The following IL1R1 variants were observed in gnomAD, a reference collection of about 807,000 sequenced individuals.
IL1R1 encodes the protein interleukin 1 receptor type 1, also known as interleukin-1 receptor type 1.
A neutral mutation model predicts 50.2 loss-of-function variants in IL1R1; 22 were observed. The ratio of observed to expected loss-of-function variants is 0.44; its 90% CI spans 0.31 to 0.63. The LOEUF (loss-of-function observed/expected upper bound fraction) is 0.63. Ranked by LOEUF, IL1R1 falls within the 20% of genes least tolerant of loss-of-function variation. The pLI, the probability that IL1R1 is intolerant of heterozygous loss-of-function variation, is 0.07. For synonymous variants in IL1R1, 251 were observed against 236.7 expected (o/e 1.06, Z -0.55); for missense variants, 509 against 676.2 (o/e 0.75, Z 2.74).
intron 1 of IL1R1, among the ~76,000 whole-genome samples, chr2:102,097,172 G>A (rs948306368): frequency 3.3e-5 from 5 of 152,118 alleles, no homozygotes; most frequent in African/African-American, 1.2e-4. Context: ...GGGGATCGGG[G>A]CTGCTTCCTT....
chr2:102,085,164 TG>T (rs1170069568), intron 1 of IL1R1, among the ~76,000 whole-genome samples: 2 of 152,204 alleles, frequency 1.3e-5, no homozygotes, highest in Non-Finnish European at 2.9e-5. Flanking sequence ...TCCAAATACC[TG>T]CTTCAACTCT....
rs116343300 is a variant in IL1R1 at position 102,153,309 on chromosome 2, G to A, written c.-83-632G>A. On this transcript the variant is annotated intron_variant, in intron 1 of 11. Transcript: ENST00000410023. Reference sequence around the variant, plus strand: ...GTGGTTTGATTCATTTCTGCACCCCGGTGTCTAGCAAAGTGCCACGTGCAT... The same window carrying A: ...GTGGTTTGATTCATTTCTGCACCCCAGTGTCTAGCAAAGTGCCACGTGCAT... Among the ~76,000 whole-genome samples the A allele has an allele frequency of 4.1e-3, 628 of 152,192 alleles. 6 individuals carry two copies. The highest frequency in any genetic ancestry group is 0.014 in the African/African-American group (591 of 41,498).
chr2:102,106,709 C>T (rs760073804), intron 1 of IL1R1, among the ~76,000 whole-genome samples: 7 of 152,308 alleles, frequency 4.6e-5, no homozygotes, highest in Admixed American at 2.0e-4. Context: ...AGTACATTTA[C>T]ATTTTGAAGA....
chr2:102,119,161 C>T (rs1021023700), intron 1 of IL1R1, among the ~76,000 whole-genome samples: 10 of 151,960 alleles, frequency 6.6e-5, no homozygotes, highest in Non-Finnish European at 2.9e-5. Flanking sequence ...AGGGTAATGG[C>T]GGTAAACACT....
intron 3 of IL1R1, among the ~76,000 whole-genome samples, chr2:102,163,028 C>T (rs1355596058): frequency 6.6e-6 from 1 of 152,030 alleles, no homozygotes; most frequent in Non-Finnish European, 1.5e-5. Context: ...ATATGGAATT[C>T]TAGGTAGACT....
intron 10 of IL1R1, 81 bp downstream of exon 10, chr2:102,174,811 T>C: frequency 8.5e-7 from 1 of 1,171,272 alleles, no homozygotes; most frequent in Non-Finnish European, 1.2e-6. Context: ...TAAGAGGGTT[T>C]TTACTAAGAG....
intron 1 of IL1R1, among the ~76,000 whole-genome samples, chr2:102,143,767 G>A (rs559362519): frequency 6.6e-6 from 1 of 152,198 alleles, no homozygotes; most frequent in African/African-American, 2.4e-5. Context: ...AAGGAAGGCC[G>A]CTGGGAAGGC....
intron 1 of IL1R1, among the ~76,000 whole-genome samples, chr2:102,117,346 CAG>C (rs1681143663): frequency 6.6e-6 from 1 of 152,182 alleles, no homozygotes; most frequent in South Asian, 2.1e-4. Context: ...GAGAAGCTGA[CAG>C]AACACAGCTG....
rs72996504 is a variant in IL1R1, at chr2:102,088,431, T to C, written c.-84+17898T>C. Among the ~76,000 whole-genome samples the C allele has an allele frequency of 6.1e-3, 935 of 152,108 alleles. 9 individuals carry two copies. Among genetic ancestry groups the C allele is most frequent in the African/African-American group, 0.021 (854 of 41,390 alleles). On this transcript the variant is annotated intron_variant, in intron 1 of 11. Transcript: ENST00000409929. ...ATTTTTACAGGAATCTTTTTTTTTTTCCCCTGAGAACTAGCTCTCAACAGT... is the reference window on the plus strand; with the variant it reads ...ATTTTTACAGGAATCTTTTTTTTTTCCCCCTGAGAACTAGCTCTCAACAGT...
intron 1 of IL1R1, among the ~76,000 whole-genome samples, chr2:102,144,617 G>A (rs879818934): frequency 1.3e-5 from 2 of 152,108 alleles, no homozygotes; most frequent in East Asian, 1.9e-4. Context: ...GGGAGACAGC[G>A]GTGAATACGA....
intron 7 of IL1R1, among the ~76,000 whole-genome samples, chr2:102,169,743 A>C (rs536874067): frequency 5.3e-5 from 8 of 152,366 alleles, no homozygotes; most frequent in African/African-American, 1.4e-4. Context: ...GACAGAAACA[A>C]AAATGTCAAA....
At chr2:102,129,720 C>T (rs1004209709) in intron 1 of IL1R1, among the ~76,000 whole-genome samples, 5 of 152,182 alleles carry the variant, frequency 3.3e-5, no homozygotes, top group Non-Finnish European at 7.3e-5. Flanking sequence ...TTTCTTCTTG[C>T]TCCTATGTAG....
In IL1R1 at chr2:102,132,787, G is replaced by C. The variant is rs551639143; in HGVS notation, c.-83-21154G>C. On this transcript the variant is annotated intron_variant, in intron 1 of 10. Transcript: ENST00000409329. ...ATATCACTATACTACACCACAAATA[G>C]TAAAAGAATAATAAGGGAATACTAG... Among the ~76,000 whole-genome samples the C allele has an allele frequency of 2.3e-4, 35 of 152,120 alleles. No individual in the cohort carries two copies. In the Middle Eastern group the frequency reaches 0.014, roughly 59 times the overall value.
In IL1R1 at chr2:102,176,421, A is replaced by G; in HGVS notation, c.1372A>G (p.Thr458Ala). 1.2e-6 allele frequency: 2 copies of G among 1,614,136 alleles called. No individual in the cohort carries two copies. Among genetic ancestry groups the G allele is most frequent in the South Asian group, 1.1e-5 (1 of 91,082 alleles). The stretch of plus-strand genomic sequence containing the variant: ...ACTGATTATCATTTTAGTCAGAGAA[A>G]CATCAGGCTTCAGCTGGCTGGGTGG... ...RRLIIILVRE[T>A]SGFSWLGGSS... Residue 458 changes from threonine to alanine, a missense_variant, in exon 12 of 12, where the codon ACA (threonine) becomes GCA (alanine). Coordinates refer to ENST00000410023, the MANE Select transcript of IL1R1 (RefSeq NM_000877.4).
chr2:102,174,297 C>T (rs1171774470), intron 9 of IL1R1, among the ~76,000 whole-genome samples: 1 of 152,110 alleles, frequency 6.6e-6, no homozygotes, highest in Non-Finnish European at 1.5e-5. Flanking sequence ...TAACTTTTCC[C>T]TGTTTTACTG....
rs146658499 is a variant in IL1R1 at position 102,120,849 on chromosome 2, C to A, written c.-84+15977C>A. On this transcript the variant is annotated intron_variant, in intron 1 of 10. Coordinates refer to the IL1R1 transcript ENST00000409329. ...GGAACACTGCCTAGTACATGGTGTG[C>A]GCACAATAAAAAATTGGTTTAATGA... Among the ~76,000 whole-genome samples, 8 of 152,124 alleles carry A rather than the reference C, an allele frequency of 5.3e-5. No individual in the cohort carries two copies. In the East Asian group the frequency reaches 1.5e-3, roughly 29 times the overall value.
At chr2:102,146,583 G>A (rs1273193557) in intron 1 of IL1R1, among the ~76,000 whole-genome samples, 1 of 152,108 alleles carries the variant, frequency 6.6e-6, no homozygotes, top group Non-Finnish European at 1.5e-5. Context: ...AATGACTCTC[G>A]GTTAAGGTCT....
At chr2:102,091,247 T>C (rs998340804) in intron 1 of IL1R1, among the ~76,000 whole-genome samples, 1 of 152,234 alleles carries the variant, frequency 6.6e-6, no homozygotes. Flanking sequence ...TAGTAGTTTT[T>C]TTTCTTTCTT....
chr2:102,076,474 T>C (rs947954110), intron 1 of IL1R1, among the ~76,000 whole-genome samples: 12 of 152,340 alleles, frequency 7.9e-5, no homozygotes, highest in African/African-American at 2.4e-4. Context: ...AGGGCTTCCT[T>C]CAACATTTCT....
Sources: allele counts gnomAD v4.1 joint callset (sites outside exome capture counted in the v4.1 genomes callset), GRCh38; gene constraint gnomAD v4.1.1; transcripts MANE v1.5; gene names NCBI Gene and HGNC (gene_info 2026-07-23, HGNC 2026-07-21).